Variants in AK4 observed in about 807,000 individuals in gnomAD.
The protein encoded by AK4 is adenylate kinase 4, also known as adenylate kinase 4, mitochondrial.
A neutral mutation model predicts 24.6 loss-of-function variants in AK4; 13 were observed. The observed-to-expected ratio is 0.53, with a 90% CI of 0.34 to 0.84. The LOEUF is 0.84. Among genes scored for constraint, AK4 ranks in the 40% least tolerant of loss-of-function variants. The pLI is 0.01. For missense variants in AK4, 192 were observed against 288.2 expected (o/e 0.67, Z 2.42); for synonymous variants, 88 against 107.0 (o/e 0.82, Z 1.10).
intron 1 of AK4, among the ~76,000 whole-genome samples, chr1:65,159,360 G>A (rs1163027017): frequency 6.6e-6 from 1 of 152,190 alleles, no homozygotes; most frequent in Admixed American, 6.5e-5. Flanking sequence ...CCTCAGAAAG[G>A]TTGAGTAACT....
At chr1:65,210,787 G>T (rs973875749) in intron 2 of AK4, among the ~76,000 whole-genome samples, 2 of 152,046 alleles carry the variant, frequency 1.3e-5, no homozygotes, top group Non-Finnish European at 2.9e-5. Context: ...CCCCTGCCAT[G>T]CAATTTATCC....
At chr1:65,178,503 T>C (rs12030227) in intron 1 of AK4, among the ~76,000 whole-genome samples, 59,537 of 152,102 alleles carry the variant, frequency 0.39, 12,257 homozygotes, top group East Asian at 0.67. Context: ...GGAACACCTC[T>C]GTAGTACAGA....
In AK4 at chr1:65,231,057, G is replaced by C. The variant is rs986161727; in HGVS notation, c.*4880G>C. 6.6e-6 allele frequency: 1 copy of C among 152,032 alleles called. No individual in the cohort carries two copies. Among genetic ancestry groups the C allele is most frequent in the Non-Finnish European group, 1.5e-5 (1 of 67,998 alleles). The allele number at this position is 152,032 out of a possible 1,614,324, so 9.4% of individuals were successfully genotyped here. A position where few individuals can be genotyped will look rare whatever the true frequency, so the allele number is the denominator to read the frequency against. On this transcript the variant is annotated 3_prime_UTR_variant, in exon 5 of 5. Coordinates refer to ENST00000327299, the MANE Select transcript of AK4 (RefSeq NM_013410.4). Reference sequence around the variant, plus strand: ...TGGTGTCTTTAAAAAAAATAACCTAGTAATAAAGACTTCTTTTAATGTGGA... The same window carrying C: ...TGGTGTCTTTAAAAAAAATAACCTACTAATAAAGACTTCTTTTAATGTGGA...
intron 1 of AK4, among the ~76,000 whole-genome samples, chr1:65,181,760 C>T (rs893005309): frequency 6.6e-6 from 1 of 152,128 alleles, no homozygotes; most frequent in Non-Finnish European, 1.5e-5. Context: ...TATAACTTGA[C>T]GTTGTTTTGA....
chr1:65,190,492 G>C (rs1485726952), intron 1 of AK4, among the ~76,000 whole-genome samples: 1 of 151,742 alleles, frequency 6.6e-6, no homozygotes, highest in Non-Finnish European at 1.5e-5. Flanking sequence ...CTATCTCAAA[G>C]AGCTGCTTTT....
chr1:65,152,192 A>C (rs994498989), intron 1 of AK4, among the ~76,000 whole-genome samples: 9 of 151,636 alleles, frequency 5.9e-5, no homozygotes, highest in African/African-American at 2.2e-4. Flanking sequence ...GGTATTTTTT[A>C]AAACCACATT....
At chr1:65,170,198 T>C (rs1570081748) in intron 1 of AK4, among the ~76,000 whole-genome samples, 1 of 152,136 alleles carries the variant, frequency 6.6e-6, no homozygotes, top group East Asian at 1.9e-4. Flanking sequence ...CCCCGTCTAC[T>C]AAAAATACAA....
chr1:65,214,146 C>T (rs988117974), intron 2 of AK4, among the ~76,000 whole-genome samples: 2 of 152,164 alleles, frequency 1.3e-5, no homozygotes, highest in Non-Finnish European at 2.9e-5. Flanking sequence ...GAGTCCCTCT[C>T]TGTTGCCCAG....
At chr1:65,193,654 C>T (rs1651379127) in intron 2 of AK4, among the ~76,000 whole-genome samples, 2 of 152,200 alleles carry the variant, frequency 1.3e-5, no homozygotes, top group South Asian at 4.1e-4. Context: ...CTCCCTCATA[C>T]CAAAATCCAT....
chr1:65,192,050 C>G (rs2226173), intron 2 of AK4, among the ~76,000 whole-genome samples: 2 of 151,970 alleles, frequency 1.3e-5, no homozygotes, highest in African/African-American at 4.8e-5. Context: ...CCCTCTCTGC[C>G]CTTACCTAGG....
At chr1:65,172,063 GTATATATATATATATATATA>G (rs3051712) in intron 1 of AK4, among the ~76,000 whole-genome samples, 725 of 65,766 alleles carry the variant, frequency 0.011, 53 homozygotes, top group African/African-American at 0.018. Context: ...TCCATCTCAA[GTATATATATATATATATATA>G]TATATATATA....
intron 1 of AK4, among the ~76,000 whole-genome samples, chr1:65,151,358 T>A (rs1570053467): frequency 6.6e-6 from 1 of 152,190 alleles, no homozygotes; most frequent in African/African-American, 2.4e-5. Context: ...GTAAGATATC[T>A]GCTGAGTGGC....
At chr1:65,166,837 A>G (rs1458417019) in intron 1 of AK4, among the ~76,000 whole-genome samples, 2 of 151,898 alleles carry the variant, frequency 1.3e-5, no homozygotes, top group African/African-American at 4.8e-5. Flanking sequence ...GCTTTTTAAG[A>G]ATTGTGTCAT....
chr1:65,207,549 G>A (rs1651848262), intron 2 of AK4, among the ~76,000 whole-genome samples: 2 of 150,366 alleles, frequency 1.3e-5, no homozygotes, highest in Admixed American at 6.6e-5. Context: ...GAGCACAGCT[G>A]CTGTTTTTTT....
At chr1:65,181,400 C>CTT (rs111683862) in intron 1 of AK4, among the ~76,000 whole-genome samples, 3 of 142,518 alleles carry the variant, frequency 2.1e-5, no homozygotes, top group Non-Finnish European at 3.1e-5. Flanking sequence ...AGAATTAAGC[C>CTT]TTTTTTTTTT....
chr1:65,160,185 A>G (rs1244147981), intron 1 of AK4, among the ~76,000 whole-genome samples: 1 of 152,174 alleles, frequency 6.6e-6, no homozygotes, highest in African/African-American at 2.4e-5. Context: ...ATGTAGGGAC[A>G]GTGTGTCTTA....
At chr1:65,175,432 G>A (rs540662334) in intron 1 of AK4, among the ~76,000 whole-genome samples, 35 of 152,224 alleles carry the variant, frequency 2.3e-4, no homozygotes, top group Non-Finnish European at 4.7e-4. Context: ...CTGGAGAATA[G>A]CAGCCTTGCT....
chr1:65,210,455 AAC>A (rs1651937375), intron 2 of AK4, among the ~76,000 whole-genome samples: 1 of 151,982 alleles, frequency 6.6e-6, no homozygotes, highest in Non-Finnish European at 1.5e-5. Flanking sequence ...CTTTTTCCTT[AAC>A]AGTTTCCCCC....
intron 2 of AK4, among the ~76,000 whole-genome samples, chr1:65,191,520 T>G (rs2101042377): frequency 6.6e-6 from 1 of 150,804 alleles, no homozygotes; most frequent in Admixed American, 6.6e-5. Context: ...GGTCCTCAGA[T>G]AGATGAGTGG....
Sources: allele counts gnomAD v4.1 joint callset (sites outside exome capture counted in the v4.1 genomes callset), GRCh38; gene constraint gnomAD v4.1.1; transcripts MANE v1.5; gene names NCBI Gene and HGNC (gene_info 2026-07-23, HGNC 2026-07-21).